ADK: variants seen among roughly 807,000 people sequenced by gnomAD.
ADK encodes adenosine kinase.
A neutral mutation model predicts 44.7 loss-of-function variants in ADK; 24 were observed. That is an observed-to-expected ratio of 0.54 (90% CI 0.39 to 0.76). ADK has a LOEUF of 0.76. Among genes scored for constraint, ADK ranks in the 30% least tolerant of loss-of-function variants. ADK has a pLI of 0.00. For missense variants in ADK, 321 were observed against 425.1 expected, an observed-to-expected ratio of 0.76 and a Z score of 2.15; for synonymous variants, 128 against 142.6, an observed-to-expected ratio of 0.90 and a Z score of 0.73.
intron 4 of ADK, among the ~76,000 whole-genome samples, chr10:74,334,730 T>A (rs1390061231): frequency 6.6e-6 from 1 of 152,134 alleles, no homozygotes; most frequent in Non-Finnish European, 1.5e-5. Context: ...GGTCTGATCA[T>A]AAGGCATTTA....
intron 2 of ADK, among the ~76,000 whole-genome samples, chr10:74,220,067 TAATG>T (rs1383593740): frequency 6.6e-6 from 1 of 151,748 alleles, no homozygotes; most frequent in Non-Finnish European, 1.5e-5. Flanking sequence ...TTCAAAAAAT[TAATG>T]AATCCAGGAG....
intron 7 of ADK, among the ~76,000 whole-genome samples, chr10:74,561,004 C>T (rs577165580): frequency 6.6e-6 from 1 of 152,160 alleles, no homozygotes; most frequent in African/African-American, 2.4e-5. Flanking sequence ...TATGTAAAGA[C>T]CCCCCTCTCC....
At chr10:74,191,282 G>T (rs545741470) in intron 1 of ADK, among the ~76,000 whole-genome samples, 3 of 151,126 alleles carry the variant, frequency 2.0e-5, no homozygotes, top group African/African-American at 7.3e-5. Flanking sequence ...CCCGGCCCAA[G>T]TCTTGACATT....
intron 10 of ADK, among the ~76,000 whole-genome samples, chr10:74,705,190 C>T (rs963313039): frequency 6.6e-6 from 1 of 152,160 alleles, no homozygotes; most frequent in Non-Finnish European, 1.5e-5. Context: ...CCTTCATCCC[C>T]CTCAGGCTGC....
At chr10:74,520,928 A>T (rs1347851458) in intron 6 of ADK, among the ~76,000 whole-genome samples, 2 of 152,190 alleles carry the variant, frequency 1.3e-5, no homozygotes, top group African/African-American at 4.8e-5. Flanking sequence ...TATAGGATCA[A>T]CGATAAACAG....
chr10:74,654,691 A>G (rs1275921109), intron 9 of ADK, among the ~76,000 whole-genome samples: 2 of 152,186 alleles, frequency 1.3e-5, no homozygotes, highest in Non-Finnish European at 2.9e-5. Flanking sequence ...AGGCACCTGT[A>G]GTTCCAGCAA....
At chr10:74,151,459 A>G (rs1376581961) in intron 1 of ADK, 116 bp downstream of exon 1, 1 of 1,137,056 alleles carries the variant, frequency 8.8e-7, no homozygotes, top group Admixed American at 2.0e-5. Context: ...CTTGGGGCCA[A>G]CACGCAGGAC....
rs141424052 is a variant in ADK at position 74,258,947 on chromosome 10, G to GTTT, written c.194+34376_194+34378dup. Among the ~76,000 whole-genome samples, 242 of 96,120 alleles carry GTTT rather than the reference G, an allele frequency of 2.5e-3. 3 individuals are homozygous for GTTT. The highest frequency in any genetic ancestry group is 4.4e-3 in the South Asian group (13 of 2,938). The allele number at this position is 96,120 out of a possible 152,430, so 63.1% of individuals were successfully genotyped here. On this transcript the variant is annotated intron_variant, in intron 3 of 10. Transcript: ENST00000539909. ...TTTTGTTGTTGTTGTTTGTTTTTGTGTTTTTTTTTTTTTTTTTTTTTTGAG... is the reference window on the plus strand; with the variant it reads ...TTTTGTTGTTGTTGTTTGTTTTTGTGTTTTTTTTTTTTTTTTTTTTTTTTTGAG...
At position 74,254,732 on chromosome 10, in the gene ADK, CCTT is replaced by C. The variant is rs376510973; in HGVS notation, c.194+30145_194+30147del. On this transcript the variant is annotated intron_variant, in intron 3 of 10. Coordinates refer to ENST00000539909, the MANE Select transcript of ADK (RefSeq NM_006721.4). ...AGAGCTCTGTGTTTAAAAGGAATCT[CCTT>C]CTTTTTTTGTGTGTTTTTCCTTTTG... Among the ~76,000 whole-genome samples the C allele has an allele frequency of 1.1e-4, 17 of 152,188 alleles. 1 individual carries two copies. The highest frequency in any genetic ancestry group is 3.9e-4 in the East Asian group (2 of 5,192).
intron 9 of ADK, among the ~76,000 whole-genome samples, chr10:74,644,512 A>C (rs974488948): frequency 4.6e-5 from 7 of 152,188 alleles, no homozygotes; most frequent in African/African-American, 1.7e-4. Context: ...ACTTTGACTT[A>C]AGTGAAAGAA....
chr10:74,670,561 A>G (rs958803337), intron 10 of ADK, among the ~76,000 whole-genome samples: 1 of 152,242 alleles, frequency 6.6e-6, no homozygotes, highest in Non-Finnish European at 1.5e-5. Context: ...AGTACAGTAT[A>G]TAGTATATTC....
chr10:74,264,017 G>A (rs1247598088), intron 3 of ADK, among the ~76,000 whole-genome samples: 2 of 152,182 alleles, frequency 1.3e-5, no homozygotes, highest in South Asian at 2.1e-4. Context: ...ATATGTGGAT[G>A]TTTAAATTTC....
At position 74,479,285 on chromosome 10, in the gene ADK, G is replaced by A. The variant is rs1173904354; in HGVS notation, c.556-45971G>A. Among the ~76,000 whole-genome samples the A allele has an allele frequency of 3.3e-5, 5 of 151,982 alleles. No homozygotes were observed. The South Asian group carries it at 8.3e-4, about 25-fold the overall frequency. On this transcript the variant is annotated intron_variant, in intron 6 of 10. Coordinates refer to ENST00000539909, the MANE Select transcript of ADK (RefSeq NM_006721.4). ...GCTAGGATTACAGGCATGACCCATC[G>A]TGCCCAGCCTCACATATCTTTATAT...
intron 1 of ADK, among the ~76,000 whole-genome samples, chr10:74,194,655 T>G (rs571376455): frequency 6.6e-6 from 1 of 152,340 alleles, no homozygotes; most frequent in Admixed American, 6.5e-5. Flanking sequence ...ATGTAGAAAT[T>G]CAGGCAATGT....
chr10:74,253,576 G>C (rs1381351820), intron 3 of ADK, among the ~76,000 whole-genome samples: 1 of 152,094 alleles, frequency 6.6e-6, no homozygotes, highest in African/African-American at 2.4e-5. Flanking sequence ...TATGTTCTTT[G>C]TGGTAGAGGT....
At position 74,550,333 on chromosome 10, in the gene ADK, A is replaced by G. The variant is rs200593893; in HGVS notation, c.726+24907A>G. On this transcript the variant is annotated intron_variant, in intron 7 of 10. Transcript: ENST00000539909. ...CGATCCTCCCGCCTCAGCCTCCCAA[A>G]GTACTGGGATTACAGGTACGAGCCA... Among the ~76,000 whole-genome samples, 31 of 152,082 alleles carry G rather than the reference A, an allele frequency of 2.0e-4. No individual in the cohort carries two copies. In the East Asian group the frequency reaches 5.6e-3, roughly 27 times the overall value.
Position 74,708,587 on chromosome 10 carries a change from G to A in ADK, c.*142G>A. ...TGAATCTTAATTTAGAGGGTACAAG[G>A]GTATGGTAATGCTTGTAGAATCTTT... On this transcript the variant is annotated 3_prime_UTR_variant, in exon 11 of 11. Transcript: ENST00000539909. 1 of 918,452 alleles carries A rather than the reference G, an allele frequency of 1.1e-6. No individual in the cohort carries two copies. Among genetic ancestry groups the A allele is most frequent in the South Asian group, 1.5e-5 (1 of 66,134 alleles). 56.9% of individuals were successfully genotyped at this position (918,452 alleles called of 1,614,324 possible). A position where few individuals can be genotyped will look rare whatever the true frequency, so the allele number is the denominator to read the frequency against.
chr10:74,584,875 C>A (rs1851480223), intron 7 of ADK, among the ~76,000 whole-genome samples: 1 of 152,126 alleles, frequency 6.6e-6, no homozygotes, highest in South Asian at 2.1e-4. Flanking sequence ...TAACTAGTAA[C>A]AAATAATTGG....
At chr10:74,263,019 G>T (rs895775002) in intron 3 of ADK, among the ~76,000 whole-genome samples, 3 of 152,126 alleles carry the variant, frequency 2.0e-5, no homozygotes, top group African/African-American at 7.2e-5. Flanking sequence ...CAGCAGAGTA[G>T]ATTAAATGTT....
Sources: allele counts gnomAD v4.1 joint callset (sites outside exome capture counted in the v4.1 genomes callset), GRCh38; gene constraint gnomAD v4.1.1; transcripts MANE v1.5; gene names NCBI Gene and HGNC (gene_info 2026-07-23, HGNC 2026-07-21).